SPMIP3: variants seen among roughly 807,000 people sequenced by gnomAD.
The protein encoded by SPMIP3 is sperm microtubule inner protein 3.
At chr1:244,378,406 C>T in the SPMIP3 span, 362 of 1,492,728 alleles carry the variant, frequency 2.4e-4, no homozygotes, top group African/African-American at 3.1e-3. Flanking sequence ...TTCCAGCTGA[C>T]GAGAAAATGG....
At chr1:244,359,016 T>C in the SPMIP3 span, among the ~76,000 whole-genome samples, 1 of 152,212 alleles carries the variant, frequency 6.6e-6, no homozygotes, top group Non-Finnish European at 1.5e-5. Context: ...ATGTTCATAC[T>C]TGAGTTACCA....
the SPMIP3 span, among the ~76,000 whole-genome samples, chr1:244,371,724 C>T: frequency 6.6e-6 from 1 of 152,194 alleles, no homozygotes; most frequent in African/African-American, 2.4e-5. Flanking sequence ...AAACCAGCAT[C>T]CTTTAGGTGG....
At chr1:244,373,730 T>C in the SPMIP3 span, among the ~76,000 whole-genome samples, 5 of 151,792 alleles carry the variant, frequency 3.3e-5, no homozygotes, top group Non-Finnish European at 7.4e-5. Context: ...AGTAAAGTCA[T>C]AGCAAAAACC....
chr1:244,363,035 A>G, the SPMIP3 span, among the ~76,000 whole-genome samples: 11 of 145,762 alleles, frequency 7.5e-5, no homozygotes, highest in Admixed American at 2.8e-4. Flanking sequence ...TATTTTTCAT[A>G]GAGTTGGGGT....
the SPMIP3 span, chr1:244,375,300 C>A: frequency 8.1e-7 from 1 of 1,231,224 alleles, no homozygotes; most frequent in Non-Finnish European, 1.2e-6. Context: ...TATTATGCCG[C>A]AGCTGGCATT....
chr1:244,379,218 G>A, the SPMIP3 span, among the ~76,000 whole-genome samples: 1 of 150,026 alleles, frequency 6.7e-6, no homozygotes, highest in Non-Finnish European at 1.5e-5. Context: ...TTGAGCCACT[G>A]CGCCCGGCCT....
chr1:244,379,469 G>A, the SPMIP3 span, among the ~76,000 whole-genome samples: 1 of 152,104 alleles, frequency 6.6e-6, no homozygotes, highest in Admixed American at 6.5e-5. Flanking sequence ...GCTTCTCAAA[G>A]TGCTGGGATT....
chr1:244,370,324 G>A, the SPMIP3 span, among the ~76,000 whole-genome samples: 1 of 152,156 alleles, frequency 6.6e-6, no homozygotes, highest in Non-Finnish European at 1.5e-5. Context: ...GGGAGATGAG[G>A]GCACAGGTCT....
At chr1:244,382,329 T>C in the SPMIP3 span, among the ~76,000 whole-genome samples, 7 of 152,032 alleles carry the variant, frequency 4.6e-5, 1 homozygote, top group South Asian at 8.3e-4. Context: ...AAAATGTCTA[T>C]GCAATTTTAG....
At chr1:244,366,437 T>A in the SPMIP3 span, among the ~76,000 whole-genome samples, 1 of 152,186 alleles carries the variant, frequency 6.6e-6, no homozygotes, top group Non-Finnish European at 1.5e-5. Flanking sequence ...AGTGTGGGAT[T>A]ATGGGTGTGA....
chr1:244,381,937 A>G, the SPMIP3 span, among the ~76,000 whole-genome samples: 156 of 152,320 alleles, frequency 1.0e-3, 3 homozygotes, highest in South Asian at 0.031. Flanking sequence ...AAAAAACAAA[A>G]ACAAAAGCAC....
the SPMIP3 span, among the ~76,000 whole-genome samples, chr1:244,373,711 GC>G: frequency 6.6e-6 from 1 of 151,526 alleles, no homozygotes; most frequent in Admixed American, 6.6e-5. Flanking sequence ...TGCAGTTTTT[GC>G]CATTGAAAGT....
At chr1:244,371,042 G>A in the SPMIP3 span, among the ~76,000 whole-genome samples, 1 of 152,156 alleles carries the variant, frequency 6.6e-6, no homozygotes, top group African/African-American at 2.4e-5. Context: ...GGGCTGTGGG[G>A]CCAGGCTCTG....
chr1:244,385,556 A>G, the SPMIP3 span, among the ~76,000 whole-genome samples: 3 of 152,214 alleles, frequency 2.0e-5, no homozygotes, highest in Non-Finnish European at 2.9e-5. Context: ...AAAATAAAAT[A>G]TATGCCTTTA....
the SPMIP3 span, chr1:244,378,622 T>C: frequency 6.2e-7 from 1 of 1,613,050 alleles, no homozygotes; most frequent in Non-Finnish European, 8.5e-7. Context: ...GACTATTCTC[T>C]GCCATTTTAT....
the SPMIP3 span, among the ~76,000 whole-genome samples, chr1:244,373,218 A>G: frequency 1.3e-5 from 2 of 150,994 alleles, no homozygotes; most frequent in African/African-American, 4.9e-5. Context: ...CTGTCTTTTA[A>G]AAAAAATGGT....
the SPMIP3 span, among the ~76,000 whole-genome samples, chr1:244,378,184 G>A: frequency 6.6e-6 from 1 of 152,146 alleles, no homozygotes; most frequent in Non-Finnish European, 1.5e-5. Flanking sequence ...CTGGAGCGCG[G>A]GGAGTGGCTG....
chr1:244,357,341 G>A, the SPMIP3 span, among the ~76,000 whole-genome samples: 2 of 152,104 alleles, frequency 1.3e-5, no homozygotes, highest in East Asian at 1.9e-4. Context: ...AAGTGGGGTG[G>A]AGTGGAGTCT....
At chr1:244,378,764 ATGTG>A in the SPMIP3 span, 9 of 1,043,906 alleles carry the variant, frequency 8.6e-6, no homozygotes, top group African/African-American at 1.1e-4. Context: ...AGGCATGGAT[ATGTG>A]TGTGTGTGTT....
Sources: allele counts gnomAD v4.1 joint callset (sites outside exome capture counted in the v4.1 genomes callset), GRCh38; gene constraint gnomAD v4.1.1; transcripts MANE v1.5; gene names NCBI Gene and HGNC (gene_info 2026-07-23, HGNC 2026-07-21).